The following SYNPR variants were observed in gnomAD, a reference collection of about 807,000 sequenced individuals.
SYNPR encodes the protein synaptoporin.
Under a neutral mutation model 32.9 loss-of-function variants are expected in SYNPR, and 23 were observed. That is an observed-to-expected ratio of 0.70 (90% CI 0.50 to 0.99). SYNPR has a LOEUF of 0.99. Among genes scored for constraint, SYNPR ranks in the 50% least tolerant of loss-of-function variants. SYNPR has a pLI of 0.00. For missense variants in SYNPR, 318 were observed against 349.3 expected, an observed-to-expected ratio of 0.91 and a Z score of 0.71; for synonymous variants, 146 against 135.9, an observed-to-expected ratio of 1.07 and a Z score of -0.52.
intron 3 of SYNPR, among the ~76,000 whole-genome samples, chr3:63,495,819 T>G (rs540187499): frequency 6.6e-6 from 1 of 152,140 alleles, no homozygotes; most frequent in Non-Finnish European, 1.5e-5. Flanking sequence ...AATGAATAAT[T>G]GGAGCACAGG....
chr3:63,350,052 T>C (rs766723967), intron 2 of SYNPR, among the ~76,000 whole-genome samples: 2 of 152,164 alleles, frequency 1.3e-5, no homozygotes, highest in Non-Finnish European at 2.9e-5. Context: ...AGCTAACTGA[T>C]AAGAAGAGCT....
chr3:63,504,782 A>G (rs569391690), intron 3 of SYNPR, among the ~76,000 whole-genome samples: 1 of 152,186 alleles, frequency 6.6e-6, no homozygotes, highest in Non-Finnish European at 1.5e-5. Flanking sequence ...ACTTTCAAAG[A>G]CTATCGAGGT....
chr3:63,291,609 T>TA (rs11425332), intron 2 of SYNPR, among the ~76,000 whole-genome samples: 70,525 of 151,928 alleles, frequency 0.46, 16,541 homozygotes, highest in Middle Eastern at 0.52. Flanking sequence ...GGATTCTATT[T>TA]TGAAGCAGTT....
intron 2 of SYNPR, among the ~76,000 whole-genome samples, chr3:63,375,714 T>TATAATA (rs368120344): frequency 6.7e-4 from 102 of 151,190 alleles, no homozygotes; most frequent in African/African-American, 2.3e-3. Flanking sequence ...GAACTTAAAG[T>TATAATA]ATAATAATAA....
At chr3:63,595,745 ATAT>A (rs1699930865) in intron 4 of SYNPR, among the ~76,000 whole-genome samples, 2 of 41,928 alleles carry the variant, frequency 4.8e-5, no homozygotes, top group African/African-American at 3.7e-4. Flanking sequence ...ATATATATAT[ATAT>A]ATATATATAT....
chr3:63,608,595 C>CGAAT (rs71099710), intron 4 of SYNPR, among the ~76,000 whole-genome samples: 10,674 of 152,006 alleles, frequency 0.07, 498 homozygotes, highest in Middle Eastern at 0.11. Flanking sequence ...AGTGAACAAA[C>CGAAT]GAATGAATGA....
At chr3:63,473,181 AG>A (rs1700836797) in intron 2 of SYNPR, among the ~76,000 whole-genome samples, 1 of 152,054 alleles carries the variant, frequency 6.6e-6, no homozygotes, top group Non-Finnish European at 1.5e-5. Flanking sequence ...TGGATAACTC[AG>A]GCCCATTTTC....
chr3:63,363,500 G>A (rs1416849454), intron 2 of SYNPR, among the ~76,000 whole-genome samples: 1 of 152,188 alleles, frequency 6.6e-6, no homozygotes, highest in Non-Finnish European at 1.5e-5. Context: ...TGATAACTCA[G>A]TTTAGAACAA....
intron 2 of SYNPR, among the ~76,000 whole-genome samples, chr3:63,343,709 C>T (rs531241757): frequency 2.6e-5 from 4 of 152,320 alleles, no homozygotes; most frequent in Non-Finnish European, 5.9e-5. Context: ...TTGTTTTCTG[C>T]AGGCTCATGA....
At position 63,329,267 on chromosome 3, in the gene SYNPR, T is replaced by C. The variant is rs557763417; in HGVS notation, c.84+50525T>C. Among the ~76,000 whole-genome samples, 17 of 152,314 alleles carry C rather than the reference T, an allele frequency of 1.1e-4. No individual in the cohort carries two copies. In the South Asian group the frequency reaches 3.5e-3, roughly 32 times the overall value. On this transcript the variant is annotated intron_variant, in intron 2 of 5. Transcript: ENST00000478300. ...AAAGCTGGTCACTTAACCTACATTATAGTTTAATTATCACAGCAATTTAAT... is the reference window on the plus strand; with the variant it reads ...AAAGCTGGTCACTTAACCTACATTACAGTTTAATTATCACAGCAATTTAAT...
intron 2 of SYNPR, among the ~76,000 whole-genome samples, chr3:63,393,098 ATAT>A (rs1344263791): frequency 2.0e-5 from 3 of 152,208 alleles, no homozygotes; most frequent in Middle Eastern, 3.2e-3. Context: ...ACTGAAAAAT[ATAT>A]TTTCTTTATG....
At chr3:63,470,392 C>T (rs1349095106) in intron 2 of SYNPR, among the ~76,000 whole-genome samples, 3 of 152,086 alleles carry the variant, frequency 2.0e-5, no homozygotes, top group Non-Finnish European at 2.9e-5. Context: ...ATTGTTATTA[C>T]CATTTCTGCC....
At chr3:63,313,286 G>T (rs2086988609) in intron 2 of SYNPR, among the ~76,000 whole-genome samples, 1 of 151,740 alleles carries the variant, frequency 6.6e-6, no homozygotes, top group South Asian at 2.1e-4. Flanking sequence ...TTCTGTAGTG[G>T]TGATTTTTGA....
intron 2 of SYNPR, among the ~76,000 whole-genome samples, chr3:63,457,369 T>C (rs1000649742): frequency 7.2e-5 from 11 of 152,080 alleles, no homozygotes; most frequent in African/African-American, 2.7e-4. Flanking sequence ...TTATTTTTTA[T>C]TTTTTATTCC....
At chr3:63,300,960 TA>T (rs34752337) in intron 2 of SYNPR, among the ~76,000 whole-genome samples, 8 of 151,762 alleles carry the variant, frequency 5.3e-5, no homozygotes, top group Non-Finnish European at 1.0e-4. Flanking sequence ...CCCTATTTTC[TA>T]AAAAAAACCA....
intron 2 of SYNPR, among the ~76,000 whole-genome samples, chr3:63,300,789 C>T (rs778564265): frequency 6.6e-6 from 1 of 152,030 alleles, no homozygotes; most frequent in Non-Finnish European, 1.5e-5. Flanking sequence ...AAACCATATC[C>T]TCGCTTAGCT....
rs753272509 is a variant in SYNPR at position 63,599,892 on chromosome 3, C to A, written c.409-9233C>A. Among the ~76,000 whole-genome samples the A allele has an allele frequency of 8.5e-5, 13 of 152,176 alleles. No individual in the cohort carries two copies. The East Asian group carries it at 2.5e-3, about 29-fold the overall frequency. On this transcript the variant is annotated intron_variant, in intron 4 of 5. Coordinates refer to ENST00000478300, the MANE Select transcript of SYNPR (RefSeq NM_001130003.2). ...ATTTCTAAGATAGCTATGTAAAAAG[C>A]ATAATTTGCTTTAAATGAAATATTA...
At chr3:63,540,138 C>A (rs535162755) in intron 3 of SYNPR, among the ~76,000 whole-genome samples, 21 of 152,220 alleles carry the variant, frequency 1.4e-4, no homozygotes, top group African/African-American at 5.1e-4. Context: ...ATGTGCCAGG[C>A]ATGGTGCTAA....
chr3:63,245,079 G>A (rs1295927352), intron 1 of SYNPR, among the ~76,000 whole-genome samples: 1 of 152,072 alleles, frequency 6.6e-6, no homozygotes, highest in Non-Finnish European at 1.5e-5. Context: ...AAAGCATAAG[G>A]AAAGGGATTT....
Sources: allele counts gnomAD v4.1 joint callset (sites outside exome capture counted in the v4.1 genomes callset), GRCh38; gene constraint gnomAD v4.1.1; transcripts MANE v1.5; gene names NCBI Gene and HGNC (gene_info 2026-07-23, HGNC 2026-07-21).